PRKD1: variants seen among roughly 807,000 people sequenced by gnomAD.
The protein encoded by PRKD1 is protein kinase D1.
Under a neutral mutation model 95.9 loss-of-function variants are expected in PRKD1, and 63 were observed. That is an observed-to-expected ratio of 0.66 (90% confidence interval 0.54 to 0.81). The LOEUF (loss-of-function observed/expected upper bound fraction) is 0.81. Among genes scored for constraint, PRKD1 ranks in the 30% least tolerant of loss-of-function variants. The pLI, the probability that PRKD1 is intolerant of heterozygous loss-of-function variation, is 0.00. For missense variants in PRKD1, 1,048 were observed against 1,165.3 expected (o/e 0.90, Z 1.47); for synonymous variants, 425 against 423.1 (o/e 1.00, Z -0.05).
chr14:29,639,104 T>TAA (rs58081767), intron 4 of PRKD1, among the ~76,000 whole-genome samples, 200 bp from the exon 5 acceptor site: 63 of 148,814 alleles, frequency 4.2e-4, no homozygotes, highest in African/African-American at 1.4e-3. Context: ...TGTATAATCT[T>TAA]AAAAAAAAAA....
In PRKD1 at chr14:29,599,660, G is replaced by A; in HGVS notation, c.2063C>T (p.Thr688Ile). ...CGTCTCTAATTGATTTCTTACCTGA[G>A]TAATTAAAAACTTCGTTATGTGCTC... ...LPEHITKFLI[T>I]QILVALRHLH... The change falls in exon 14 of 18, where the codon ACT becomes ATT. Residue 688 changes from threonine (T) to isoleucine (I), a missense_variant. This residue lies in a region of PRKD1 where 739 missense variants were observed against 861.9 expected (regional missense o/e 0.86). Coordinates refer to ENST00000331968, the MANE Select transcript of PRKD1 (RefSeq NM_002742.3). 1 of 1,608,422 alleles carries A rather than the reference G, an allele frequency of 6.2e-7. No homozygotes were observed. Among genetic ancestry groups the A allele is most frequent in the Non-Finnish European group, 8.5e-7 (1 of 1,177,774 alleles).
rs555460871 is a variant in PRKD1 at position 29,810,151 on chromosome 14, A to C, written c.265-84477T>G. Reference sequence around the variant, plus strand: ...TCAAAACAATTACAATAGTAATTACAAAAATCATTCATCACAGATCACCAT... The same window carrying C: ...TCAAAACAATTACAATAGTAATTACCAAAATCATTCATCACAGATCACCAT... On this transcript the variant is annotated intron_variant, in intron 1 of 17. Coordinates refer to ENST00000331968, the MANE Select transcript of PRKD1 (RefSeq NM_002742.3). 5.9e-5 allele frequency among the ~76,000 whole-genome samples: 9 copies of C among 152,334 alleles called. No individual in the cohort carries two copies. The South Asian group carries it at 1.0e-3, about 18-fold the overall frequency.
chr14:29,836,847 G>A lies in PRKD1; in HGVS notation c.264+90402C>T, dbSNP rs541551657. ...CCAATGAAAATGCTAAGAGTGGGAAGGCCACAGGTGAGTGAGCTAGACAAG... is the reference window on the plus strand; with the variant it reads ...CCAATGAAAATGCTAAGAGTGGGAAAGCCACAGGTGAGTGAGCTAGACAAG... On this transcript the variant is annotated intron_variant, in intron 1 of 17. Coordinates refer to ENST00000331968, the MANE Select transcript of PRKD1 (RefSeq NM_002742.3). Among the ~76,000 whole-genome samples the A allele has an allele frequency of 2.6e-5, 4 of 152,242 alleles. 1 individual carries two copies. The highest frequency in any genetic ancestry group is 9.6e-5 in the African/African-American group (4 of 41,552).
chr14:29,919,991 A>G (rs1388830436), intron 1 of PRKD1, among the ~76,000 whole-genome samples: 3 of 147,646 alleles, frequency 2.0e-5, no homozygotes, highest in African/African-American at 7.5e-5. Flanking sequence ...AGAGAAAGAG[A>G]GGAAGGAAGG....
At chr14:29,605,735 C>G (rs1229429351) in intron 13 of PRKD1, among the ~76,000 whole-genome samples, 2 of 152,222 alleles carry the variant, frequency 1.3e-5, no homozygotes, top group African/African-American at 4.8e-5. Flanking sequence ...ATATTCAACA[C>G]ATTTGCTAAA....
At chr14:29,780,219 T>C (rs1187494584) in intron 1 of PRKD1, among the ~76,000 whole-genome samples, 1 of 152,166 alleles carries the variant, frequency 6.6e-6, no homozygotes, top group African/African-American at 2.4e-5. Flanking sequence ...ATTCAGGACA[T>C]AGGCATGGGC....
chr14:29,921,358 A>AATATT (rs1228369483), intron 1 of PRKD1, among the ~76,000 whole-genome samples: 2 of 151,606 alleles, frequency 1.3e-5, no homozygotes, highest in East Asian at 3.9e-4. Flanking sequence ...TGCTTTTTTT[A>AATATT]ATATTATAAT....
chr14:29,721,533 T>C (rs1255308107), intron 2 of PRKD1, among the ~76,000 whole-genome samples: 10 of 152,212 alleles, frequency 6.6e-5, no homozygotes, highest in Admixed American at 6.5e-4. Context: ...TTTTGAGTCA[T>C]GTAAATGTAG....
intron 1 of PRKD1, among the ~76,000 whole-genome samples, chr14:29,740,408 G>A (rs1192353110): frequency 1.3e-5 from 2 of 152,280 alleles, no homozygotes; most frequent in East Asian, 3.9e-4. Flanking sequence ...ACTCATTTTA[G>A]AGATGAGTAA....
At chr14:29,847,263 T>C (rs1892114898) in intron 1 of PRKD1, among the ~76,000 whole-genome samples, 1 of 152,192 alleles carries the variant, frequency 6.6e-6, no homozygotes, top group South Asian at 2.1e-4. Context: ...TGGTAATGTA[T>C]AAATGGAAAA....
At chr14:29,898,823 A>G (rs1422451117) in intron 1 of PRKD1, among the ~76,000 whole-genome samples, 2 of 152,286 alleles carry the variant, frequency 1.3e-5, no homozygotes, top group East Asian at 1.9e-4. Context: ...ATTTTAAAAT[A>G]TTTCTTTATA....
intron 4 of PRKD1, among the ~76,000 whole-genome samples, chr14:29,650,710 A>C (rs1566513999): frequency 6.6e-6 from 1 of 152,228 alleles, no homozygotes; most frequent in Non-Finnish European, 1.5e-5. Flanking sequence ...TTACAGAAGC[A>C]AGAACTAAAG....
intron 2 of PRKD1, among the ~76,000 whole-genome samples, chr14:29,669,666 G>C (rs145494845): frequency 2.2e-4 from 33 of 152,164 alleles, no homozygotes; most frequent in Non-Finnish European, 4.4e-4. Flanking sequence ...TCAGAAGTTT[G>C]AGACCAGCCT....
chr14:29,859,801 G>A (rs1892640239), intron 1 of PRKD1, among the ~76,000 whole-genome samples: 1 of 152,074 alleles, frequency 6.6e-6, no homozygotes, highest in African/African-American at 2.4e-5. Context: ...AACATTCAAA[G>A]CATGCAAAAA....
chr14:29,669,669 A>G (rs941162023), intron 2 of PRKD1, among the ~76,000 whole-genome samples: 2 of 152,198 alleles, frequency 1.3e-5, no homozygotes, highest in African/African-American at 4.8e-5. Context: ...GAAGTTTGAG[A>G]CCAGCCTGGC....
intron 1 of PRKD1, among the ~76,000 whole-genome samples, chr14:29,750,889 A>T (rs1887451008): frequency 6.6e-6 from 1 of 152,198 alleles, no homozygotes; most frequent in African/African-American, 2.4e-5. Context: ...CAGGTAATTT[A>T]AAAATATGTA....
At position 29,853,075 on chromosome 14, in the gene PRKD1, G is replaced by A. The variant is rs1477820749; in HGVS notation, c.264+74174C>T. On this transcript the variant is annotated intron_variant, in intron 1 of 17. Transcript: ENST00000331968. ...TCATATAAATCATAACCAAAAAAGA[G>A]CAGAAGTAGCTATATTAATATCAGA... is the stretch of plus-strand genomic sequence containing the variant. Among the ~76,000 whole-genome samples, 8 of 152,214 alleles carry A rather than the reference G, an allele frequency of 5.3e-5. No individual in the cohort carries two copies. The East Asian group carries it at 9.6e-4, about 18-fold the overall frequency.
At chr14:29,895,011 G>T (rs946298797) in intron 1 of PRKD1, among the ~76,000 whole-genome samples, 2 of 152,220 alleles carry the variant, frequency 1.3e-5, no homozygotes, top group Middle Eastern at 3.4e-3. Context: ...TTGAGAACTG[G>T]ATACTCTCTA....
chr14:29,700,206 T>C (rs892752843), intron 2 of PRKD1, among the ~76,000 whole-genome samples: 5 of 152,134 alleles, frequency 3.3e-5, no homozygotes, highest in African/African-American at 9.6e-5. Flanking sequence ...GCATACATAA[T>C]TAAAAATGCA....
Sources: allele counts gnomAD v4.1 joint callset (sites outside exome capture counted in the v4.1 genomes callset), GRCh38; gene constraint gnomAD v4.1.1; regional missense constraint gnomAD v4.1.1; transcripts MANE v1.5; gene names NCBI Gene and HGNC (gene_info 2026-07-23, HGNC 2026-07-21).